The following BPTF variants were observed in gnomAD, a reference collection of about 807,000 sequenced individuals.
BPTF encodes the protein bromodomain PHD finger transcription factor.
BPTF carries 18 observed loss-of-function variants against 292.5 expected under a neutral mutation model. That is an observed-to-expected ratio of 0.06 (90% CI 0.04 to 0.09). The LOEUF (loss-of-function observed/expected upper bound fraction) is 0.09, where lower values mean the gene tolerates loss of function less well. Among genes scored for constraint, BPTF ranks in the 10% least tolerant of loss-of-function variants. The pLI, the probability that BPTF is intolerant of heterozygous loss-of-function variation, is 1.00. For missense variants in BPTF, 2,726 were observed against 3,498.7 expected (o/e 0.78, Z 5.57); for synonymous variants, 1,225 against 1,251.9 (o/e 0.98, Z 0.45).
rs761183772 is a variant in BPTF, at chr17:67,928,424, A to G, written c.5821A>G (p.Ser1941Gly). 8 of 1,614,094 alleles carry G rather than the reference A, an allele frequency of 5.0e-6. No homozygotes were observed. The highest frequency in any genetic ancestry group is 6.8e-6 in the Non-Finnish European group (8 of 1,180,038). ...TACTTCCCCAACAAGCAGTACAACC[A>G]GCACCATCTCTCCAGCACAGAAGGT... ...STTSPTSSTT[S>G]TISPAQKVMV... The change falls in exon 16 of 28, where the codon AGC (serine) becomes GGC (glycine). Residue 1941 changes from serine to glycine, a missense_variant. Around this residue, in one of 22 missense-constraint regions of BPTF, gnomAD observed 198 missense variants for 277.1 expected, o/e 0.71. Transcript: ENST00000306378.
intron 1 of BPTF, among the ~76,000 whole-genome samples, chr17:67,841,029 T>C (rs2057514671): frequency 6.6e-6 from 1 of 152,206 alleles, no homozygotes; most frequent in Non-Finnish European, 1.5e-5. Context: ...TAAAGTCTAA[T>C]TTACCACTTT....
intron 19 of BPTF, among the ~76,000 whole-genome samples, chr17:67,943,067 A>T (rs537630986): frequency 8.3e-4 from 127 of 152,254 alleles, no homozygotes; most frequent in African/African-American, 2.9e-3. Flanking sequence ...GTAGTAATGA[A>T]ATACAGTGTT....
At chr17:67,886,837 A>G (rs965972840) in intron 4 of BPTF, among the ~76,000 whole-genome samples, 1 of 152,174 alleles carries the variant, frequency 6.6e-6, no homozygotes, top group African/African-American at 2.4e-5. Context: ...AAGCTGCTGC[A>G]TGGTACTCCA....
At chr17:67,924,404 C>G in intron 14 of BPTF, 143 bp from the exon 15 acceptor site, 1 of 864,190 alleles carries the variant, frequency 1.2e-6, no homozygotes, top group East Asian at 2.9e-5. Context: ...CATGAGCCAC[C>G]TCGCACAACC....
intron 4 of BPTF, chr17:67,875,839 T>A: frequency 9.3e-7 from 1 of 1,071,610 alleles, no homozygotes; most frequent in Non-Finnish European, 1.2e-6. Flanking sequence ...AAACTATGTG[T>A]TCATTCATGC....
intron 27 of BPTF, 176 bp from the exon 28 acceptor site, chr17:67,982,076 G>T (rs1331195205): frequency 2.1e-5 from 13 of 615,602 alleles, no homozygotes; most frequent in Admixed American, 6.9e-5. Context: ...ACAGTGAAAA[G>T]TTTTAATATT....
Position 67,911,360 on chromosome 17 carries a change from A to T in BPTF, c.3476A>T (p.Lys1159Ile), listed in dbSNP as rs1384730707. The T allele has an allele frequency of 6.2e-7, 1 of 1,614,102 alleles. No individual in the cohort carries two copies. The highest frequency in any genetic ancestry group is 1.1e-5 in the South Asian group (1 of 91,054). ...RMSDPSHTTN[K>I]LYPKDRVLDD... The stretch of plus-strand genomic sequence containing the variant: ...AGTGATCCTAGTCATACCACAAACA[A>T]ACTTTATCCAAAAGATCGAGTGTTA... Residue 1159 changes from lysine (K) to isoleucine (I), a missense_variant, in exon 11 of 28, where the codon AAA becomes ATA. This residue lies in a region of BPTF where 713 missense variants were observed against 714.9 expected (regional missense o/e 1.00). Coordinates refer to ENST00000306378, the MANE Select transcript of BPTF (RefSeq NM_182641.4).
intron 26 of BPTF, 108 bp downstream of exon 26, chr17:67,966,764 A>C (rs1457563184): frequency 1.6e-5 from 16 of 977,816 alleles, no homozygotes; most frequent in Middle Eastern, 2.6e-4. Flanking sequence ...TGGGGGTATA[A>C]ATTGGTATGG....
At chr17:67,838,371 G>C (rs146615944) in intron 1 of BPTF, among the ~76,000 whole-genome samples, 11 of 152,168 alleles carry the variant, frequency 7.2e-5, no homozygotes, top group South Asian at 2.1e-4. Context: ...TTTTATTTTT[G>C]CTTCTTCTCT....
At position 67,959,679 on chromosome 17, in the gene BPTF, C is replaced by A; in HGVS notation, c.8065C>A (p.Pro2689Thr). The change falls in exon 24 of 28, where the codon CCT becomes ACT. Residue 2689 changes from proline to threonine, a missense_variant. Coordinates refer to ENST00000306378, the MANE Select transcript of BPTF (RefSeq NM_182641.4). ...TCCAGCCCCTCCACCTTCACCTCCC[C>A]CTCCACCTGCTGTGCAACACACAGG... is the stretch of plus-strand genomic sequence containing the variant. ...APPAPPPSPPPPPAVQHTGLL... is the reference protein window; with the variant it reads ...APPAPPPSPPTPPAVQHTGLL... 1 of 1,448,048 alleles carries A rather than the reference C, an allele frequency of 6.9e-7. No individual in the cohort carries two copies. 89.7% of individuals were successfully genotyped at this position (1,448,048 alleles called of 1,614,324 possible).
intron 21 of BPTF, 45 bp downstream of exon 21, chr17:67,946,370 T>C (rs782061278): frequency 8.8e-6 from 14 of 1,595,184 alleles, no homozygotes; most frequent in East Asian, 2.2e-5. Context: ...GCTTGAATTA[T>C]TGTGCTGTGC....
chr17:67,964,739 G>A (rs182911727), intron 25 of BPTF, among the ~76,000 whole-genome samples: 3 of 152,196 alleles, frequency 2.0e-5, no homozygotes, highest in East Asian at 1.9e-4. Context: ...GGTGGCTCAT[G>A]CCTGTAATCC....
intron 11 of BPTF, among the ~76,000 whole-genome samples, chr17:67,917,957 A>G (rs993608293): frequency 6.6e-6 from 1 of 152,030 alleles, no homozygotes; most frequent in Non-Finnish European, 1.5e-5. Flanking sequence ...GACTACAGGC[A>G]CCCACCACCG....
rs1342195798 is a variant in BPTF at position 67,941,861 on chromosome 17, GAGTA to G, written c.6477+1208_6477+1211del. Among the ~76,000 whole-genome samples, 4 of 152,140 alleles carry G rather than the reference GAGTA, an allele frequency of 2.6e-5. 1 individual carries two copies. The highest frequency in any genetic ancestry group is 2.6e-4 in the Admixed American group (4 of 15,282). On this transcript the variant is annotated intron_variant, in intron 19 of 27. Transcript: ENST00000306378. ...ATAAATTCAACTACTTTAAAAATAA[GAGTA>G]AGAACCTCTGTTCATCAAACTCACT... is the stretch of plus-strand genomic sequence containing the variant.
chr17:67,852,630 C>T (rs1234847285), intron 1 of BPTF, among the ~76,000 whole-genome samples: 1 of 152,126 alleles, frequency 6.6e-6, no homozygotes, highest in Non-Finnish European at 1.5e-5. Flanking sequence ...ATTCATTTGA[C>T]TATTTATGTA....
Position 67,911,863 on chromosome 17 carries a change from G to A in BPTF, c.3979G>A (p.Glu1327Lys). 1 of 1,614,092 alleles carries A rather than the reference G, an allele frequency of 6.2e-7. No homozygotes were observed. Among genetic ancestry groups the A allele is most frequent in the Non-Finnish European group, 8.5e-7 (1 of 1,179,998 alleles). ...EQFRTREQDV[E>K]VLEPLKCELV... ...GTTCAGAACTCGAGAACAAGATGTT[G>A]AAGTCTTGGAGCCGTTAAAGTGTGA... is the stretch of plus-strand genomic sequence containing the variant. The change falls in exon 11 of 28, where the codon GAA becomes AAA. Residue 1327 changes from glutamate (E) to lysine (K), a missense_variant. Glu to Lys is a moderately conservative substitution (Grantham distance 56, BLOSUM62 1). Coordinates refer to ENST00000306378, the MANE Select transcript of BPTF (RefSeq NM_182641.4).
chr17:67,837,306 C>T (rs187149684), intron 1 of BPTF, among the ~76,000 whole-genome samples: 1 of 152,218 alleles, frequency 6.6e-6, no homozygotes, highest in East Asian at 1.9e-4. Context: ...ATTCCTAGGA[C>T]TGGGATTGGA....
chr17:67,948,419 C>A (rs974520757), intron 23 of BPTF, 113 bp downstream of exon 23: 6 of 964,276 alleles, frequency 6.2e-6, no homozygotes, highest in African/African-American at 5.0e-5. Flanking sequence ...CTAGAACTTA[C>A]ATTTGTGTAC....
At chr17:67,903,692 C>T in intron 7 of BPTF, 97 bp from the exon 8 acceptor site, 15 of 1,131,774 alleles carry the variant, frequency 1.3e-5, no homozygotes, top group Non-Finnish European at 1.8e-5. Context: ...AGGATTATAA[C>T]AGTCTGCTTT....
Sources: gnomAD v4.1 joint callset for allele counts (sites outside exome capture counted in the v4.1 genomes callset) on GRCh38, gnomAD v4.1.1 for gene constraint, gnomAD v4.1.1 regional missense constraint, MANE v1.5 for transcripts, NCBI Gene and HGNC (gene_info 2026-07-23, HGNC 2026-07-21) for gene names.